ZFHX4: variants seen among roughly 807,000 people sequenced by gnomAD.
ZFHX4 encodes zinc finger homeobox protein 4.
Under a neutral mutation model 267.6 loss-of-function variants are expected in ZFHX4, and 56 were observed. The observed-to-expected ratio is 0.21, with a 90% CI of 0.17 to 0.26. The LOEUF (loss-of-function observed/expected upper bound fraction) is 0.26, where lower values mean the gene tolerates loss of function less well. Among genes scored for constraint, ZFHX4 ranks in the 10% least tolerant of loss-of-function variants. The pLI, the probability that ZFHX4 is intolerant of heterozygous loss-of-function variation, is 1.00. For synonymous variants in ZFHX4, 1,778 were observed against 1,665.6 expected (o/e 1.07, Z -1.64); for missense variants, 4,332 against 4,420.0 (o/e 0.98, Z 0.56).
intron 3 of ZFHX4, among the ~76,000 whole-genome samples, chr8:76,762,976 T>C (rs1021287704): frequency 2.0e-5 from 3 of 152,246 alleles, no homozygotes; most frequent in African/African-American, 4.8e-5. Context: ...CTTGACACTT[T>C]ACTGCTTTGA....
At chr8:76,830,226 C>T (rs1231236535) in intron 4 of ZFHX4, among the ~76,000 whole-genome samples, 3 of 152,122 alleles carry the variant, frequency 2.0e-5, no homozygotes, top group Admixed American at 1.3e-4. Flanking sequence ...TGATCACTCC[C>T]ACATTGTGTT....
Position 76,849,496 on chromosome 8 carries a change from ATT to A in ZFHX4, c.3646-15_3646-14del, listed in dbSNP as rs780771923. 11 of 1,600,650 alleles carry A rather than the reference ATT, an allele frequency of 6.9e-6. No homozygotes were observed. Among genetic ancestry groups the A allele is most frequent in the Non-Finnish European group, 9.4e-6 (11 of 1,167,834 alleles). On this transcript the variant is annotated splice_polypyrimidine_tract_variant and intron_variant, in intron 7 of 10. Transcript: ENST00000651372. ...GCATTAACTAATAGTGGCCATGTTT[ATT>A]CAATATTTTCCAGTTCTATCAATGT...
chr8:76,713,789 G>A (rs1808493350), intron 3 of ZFHX4, among the ~76,000 whole-genome samples: 1 of 152,222 alleles, frequency 6.6e-6, no homozygotes, highest in East Asian at 1.9e-4. Context: ...CTGATCTGGA[G>A]GAATTTCTAA....
chr8:76,743,637 TAAGTA>T (rs2042476845), intron 3 of ZFHX4, among the ~76,000 whole-genome samples: 10 of 152,208 alleles, frequency 6.6e-5, no homozygotes, highest in Admixed American at 6.5e-4. Context: ...AACATTTTAC[TAAGTA>T]GAGTTGAATG....
intron 3 of ZFHX4, among the ~76,000 whole-genome samples, chr8:76,714,165 A>G (rs1426743396): frequency 1.3e-5 from 2 of 152,152 alleles, no homozygotes. Flanking sequence ...CTCATAATTA[A>G]TGTGCTCTCC....
At chr8:76,745,940 T>C (rs1809447278) in intron 3 of ZFHX4, among the ~76,000 whole-genome samples, 1 of 152,198 alleles carries the variant, frequency 6.6e-6, no homozygotes, top group African/African-American at 2.4e-5. Flanking sequence ...TCCTTGTCAG[T>C]AGGAATCTTT....
At chr8:76,785,469 G>GA (rs796559093) in intron 4 of ZFHX4, among the ~76,000 whole-genome samples, 8 of 151,686 alleles carry the variant, frequency 5.3e-5, no homozygotes, top group South Asian at 2.1e-4. Context: ...GGAGAGGAGG[G>GA]AAAAAAAACC....
intron 1 of ZFHX4, among the ~76,000 whole-genome samples, chr8:76,688,880 T>G (rs1807756868): frequency 6.6e-6 from 1 of 152,120 alleles, no homozygotes; most frequent in African/African-American, 2.4e-5. Context: ...AGAACTTCCA[T>G]TTGCCTCATC....
At chr8:76,689,826 TA>T (rs1022008559) in intron 1 of ZFHX4, among the ~76,000 whole-genome samples, 11 of 152,116 alleles carry the variant, frequency 7.2e-5, no homozygotes, top group Non-Finnish European at 1.5e-4. Context: ...GCACTGGACT[TA>T]AAAATGGCTT....
At chr8:76,801,490 T>A (rs993463927) in intron 4 of ZFHX4, among the ~76,000 whole-genome samples, 4 of 152,168 alleles carry the variant, frequency 2.6e-5, no homozygotes, top group African/African-American at 9.7e-5. Flanking sequence ...TCATTCAGTT[T>A]ATGACATCTA....
chr8:76,681,708 C>CT (rs961790905), intron 1 of ZFHX4, 88 bp downstream of exon 1: 10 of 369,404 alleles, frequency 2.7e-5, no homozygotes, highest in African/African-American at 1.9e-4. Flanking sequence ...CTTGCACAAT[C>CT]TTTGATATTT....
At chr8:76,713,980 A>T (rs1400190975) in intron 3 of ZFHX4, among the ~76,000 whole-genome samples, 2 of 152,032 alleles carry the variant, frequency 1.3e-5, no homozygotes, top group Non-Finnish European at 2.9e-5. Context: ...AACAGAGTCA[A>T]TTTGGCACCC....
rs184931758 is a variant in ZFHX4 at position 76,812,324 on chromosome 8, G to A, written c.3326-21014G>A. Among the ~76,000 whole-genome samples the A allele has an allele frequency of 2.2e-4, 33 of 152,246 alleles. 1 individual carries two copies. In the East Asian group the frequency reaches 4.4e-3, roughly 20 times the overall value. On this transcript the variant is annotated intron_variant, in intron 4 of 10. Transcript: ENST00000651372. ...CAGATGTTTCAGGGAATGACACAGA[G>A]GCCTGGAATTTTAGCTTGTGATACC...
intron 4 of ZFHX4, among the ~76,000 whole-genome samples, chr8:76,816,540 CCTAGGG>C (rs1811510155): frequency 6.6e-6 from 1 of 151,892 alleles, no homozygotes; most frequent in Admixed American, 6.6e-5. Context: ...GCTCTTGCCA[CCTAGGG>C]AGCTGTGACT....
chr8:76,798,714 A>T (rs1811045384), intron 4 of ZFHX4, among the ~76,000 whole-genome samples: 4 of 152,216 alleles, frequency 2.6e-5, no homozygotes, highest in Admixed American at 2.6e-4. Flanking sequence ...AGGAATTAAA[A>T]ATACATTTGC....
rs1810547904 is a variant in ZFHX4, at chr8:76,781,552, TTTG to T, written c.3325+3114_3325+3116del. ...TTAAACTGGGTTTCTTAACTTTTCATTTGATTTTGTTGGCATTGTGGATGCATA... is the reference window on the plus strand; with the variant it reads ...TTAAACTGGGTTTCTTAACTTTTCATATTTTGTTGGCATTGTGGATGCATA... On this transcript the variant is annotated intron_variant, in intron 4 of 10. Coordinates refer to ENST00000651372, the MANE Select transcript of ZFHX4 (RefSeq NM_024721.5). Among the ~76,000 whole-genome samples the T allele has an allele frequency of 2.0e-5, 3 of 152,176 alleles. No homozygotes were observed. The East Asian group carries it at 5.8e-4, about 29-fold the overall frequency.
intron 3 of ZFHX4, among the ~76,000 whole-genome samples, chr8:76,773,408 C>T (rs181869985): frequency 3.9e-5 from 6 of 152,084 alleles, no homozygotes; most frequent in East Asian, 3.9e-4. Flanking sequence ...ATCTTCATTA[C>T]CAAGTTTGTT....
In ZFHX4 at chr8:76,850,909, A is replaced by C. The variant is rs1159856111; in HGVS notation, c.3988A>C (p.Ser1330Arg). Residue 1330 changes from serine (S) to arginine (R), a missense_variant, in exon 10 of 11, where the codon AGC becomes CGC. Physicochemically the swap from Ser to Arg is moderately radical, Grantham distance 110 (BLOSUM62 -1). Transcript: ENST00000651372. ...AGGTGAAAGTCCAATGGATGACAAA[A>C]GCATGGCAGGTCTCGAGGATTCAAA... is the stretch of plus-strand genomic sequence containing the variant. Reference protein sequence around the residue: ...YSGESPMDDKSMAGLEDSKAN... With the variant: ...YSGESPMDDKRMAGLEDSKAN... The C allele has an allele frequency of 6.2e-7, 1 of 1,609,002 alleles. No individual in the cohort carries two copies. The highest frequency in any genetic ancestry group is 1.3e-5 in the African/African-American group (1 of 74,832).
intron 1 of ZFHX4, among the ~76,000 whole-genome samples, chr8:76,690,744 C>G (rs1807802710): frequency 6.6e-6 from 1 of 152,006 alleles, no homozygotes; most frequent in African/African-American, 2.4e-5. Context: ...CACACACATA[C>G]ACACACGTCT....
Sources: allele counts gnomAD v4.1 joint callset (sites outside exome capture counted in the v4.1 genomes callset), GRCh38; gene constraint gnomAD v4.1.1; transcripts MANE v1.5; gene names NCBI Gene and HGNC (gene_info 2026-07-23, HGNC 2026-07-21).